The following DOCK4 variants were observed in gnomAD, a reference collection of about 807,000 sequenced individuals.
The protein encoded by DOCK4 is dedicator of cytokinesis protein 4.
A neutral mutation model predicts 268.1 loss-of-function variants in DOCK4; 97 were observed. The observed-to-expected ratio is 0.36, with a 90% CI of 0.31 to 0.43. DOCK4 has a LOEUF of 0.43. Ranked by LOEUF, DOCK4 falls within the 20% of genes least tolerant of loss-of-function variation. DOCK4 has a pLI of 1.00. For missense variants in DOCK4, 2,145 were observed against 2,455.7 expected (o/e 0.87, Z 2.67); for synonymous variants, 954 against 887.2 (o/e 1.08, Z -1.34).
At chr7:112,178,798 G>A (rs938900552) in intron 1 of DOCK4, among the ~76,000 whole-genome samples, 1 of 151,892 alleles carries the variant, frequency 6.6e-6, no homozygotes, top group African/African-American at 2.4e-5. Context: ...CATTCCTCTC[G>A]TTCATCCTCT....
At chr7:111,905,714 C>G (rs976817251) in intron 13 of DOCK4, among the ~76,000 whole-genome samples, 1 of 130,080 alleles carries the variant, frequency 7.7e-6, no homozygotes, top group African/African-American at 3.0e-5. Flanking sequence ...TGTGTGTGCA[C>G]GTGTATTGCG....
At chr7:112,065,089 A>G (rs1806792477) in intron 1 of DOCK4, among the ~76,000 whole-genome samples, 1 of 152,206 alleles carries the variant, frequency 6.6e-6, no homozygotes, top group Non-Finnish European at 1.5e-5. Context: ...CATTCACTGG[A>G]CATGCAATCA....
At chr7:111,838,574 T>C (rs1044982449) in intron 25 of DOCK4, among the ~76,000 whole-genome samples, 4 of 152,214 alleles carry the variant, frequency 2.6e-5, no homozygotes, top group Non-Finnish European at 5.9e-5. Context: ...CAAAAAACTA[T>C]GTAGTATATG....
At chr7:111,976,269 TTATATATATATATATATATATATATA>T (rs60146972) in intron 8 of DOCK4, among the ~76,000 whole-genome samples, 1,802 of 33,138 alleles carry the variant, frequency 0.054, 150 homozygotes, top group African/African-American at 0.18. Context: ...TGTGTGTCTA[TTATATATATATATATATATATATATA>T]TATATATATA....
chr7:112,134,506 T>C (rs1586894452), intron 1 of DOCK4, among the ~76,000 whole-genome samples: 1 of 152,194 alleles, frequency 6.6e-6, no homozygotes, highest in East Asian at 1.9e-4. Context: ...GAACACAAGG[T>C]CAGGAGATCG....
chr7:111,878,482 A>T (rs4368916), intron 16 of DOCK4, among the ~76,000 whole-genome samples: 21,505 of 152,248 alleles, frequency 0.14, 1,769 homozygotes, highest in Non-Finnish European at 0.18. Flanking sequence ...CACTATCACA[A>T]GAACCAAAAA....
At chr7:112,088,524 T>C (rs1377844226) in intron 1 of DOCK4, among the ~76,000 whole-genome samples, 1 of 152,136 alleles carries the variant, frequency 6.6e-6, no homozygotes, top group African/African-American at 2.4e-5. Context: ...AGTCTTCATA[T>C]TCAGTAGTGA....
chr7:111,736,873 C>T, intron 50 of DOCK4, 44 bp downstream of exon 50: 4 of 1,533,508 alleles, frequency 2.6e-6, no homozygotes, highest in African/African-American at 1.4e-5. Flanking sequence ...GAGGATAAAA[C>T]AAGCCCTTAC....
chr7:112,036,599 G>T (rs1489073998), intron 1 of DOCK4, among the ~76,000 whole-genome samples: 6 of 151,642 alleles, frequency 4.0e-5, no homozygotes, highest in Admixed American at 1.3e-4. Context: ...CAGTGTGATG[G>T]GTTCTGACAA....
intron 34 of DOCK4, among the ~76,000 whole-genome samples, chr7:111,783,503 G>A (rs927119528): frequency 6.6e-6 from 1 of 151,756 alleles, no homozygotes; most frequent in African/African-American, 2.4e-5. Context: ...CCATTACATT[G>A]TTTTCACCCT....
At chr7:111,857,343 T>C (rs964270494) in intron 23 of DOCK4, among the ~76,000 whole-genome samples, 22 of 152,276 alleles carry the variant, frequency 1.4e-4, no homozygotes, top group African/African-American at 4.6e-4. Context: ...AAATCCTTAA[T>C]GGGGACTGGG....
chr7:111,888,269 G>C (rs927821487), intron 16 of DOCK4, among the ~76,000 whole-genome samples: 36 of 148,172 alleles, frequency 2.4e-4, no homozygotes, highest in Admixed American at 2.2e-3. Context: ...CTGGGGATAG[G>C]AGAGGGCAAT....
rs559333219 is a variant in DOCK4 at position 112,084,145 on chromosome 7, T to G, written c.38-80014A>C. Among the ~76,000 whole-genome samples the G allele has an allele frequency of 3.3e-5, 5 of 152,290 alleles. No homozygotes were observed. The South Asian group carries it at 8.3e-4, about 25-fold the overall frequency. On this transcript the variant is annotated intron_variant, in intron 1 of 52. Transcript: ENST00000428084. ...AGGCCTGCAGCATGAAGTAGAGTCA[T>G]GCCGTCAGGCCTGGCCCAGAACATG...
chr7:112,008,401 T>G (rs183183534), intron 1 of DOCK4, among the ~76,000 whole-genome samples: 1 of 152,220 alleles, frequency 6.6e-6, no homozygotes, highest in Non-Finnish European at 1.5e-5. Flanking sequence ...CCTAACCAAC[T>G]GCCTGTTATT....
chr7:112,170,147 AG>A (rs1468043428), intron 1 of DOCK4, among the ~76,000 whole-genome samples: 1 of 152,202 alleles, frequency 6.6e-6, no homozygotes, highest in Non-Finnish European at 1.5e-5. Context: ...ATAAAAGGCA[AG>A]AAAAATATTG....
intron 1 of DOCK4, among the ~76,000 whole-genome samples, chr7:112,074,246 A>C (rs1020570097): frequency 6.6e-6 from 1 of 152,216 alleles, no homozygotes; most frequent in Non-Finnish European, 1.5e-5. Context: ...AGGCAGGATT[A>C]ATATTTTTGC....
At chr7:111,811,815 C>T (rs1048990654) in intron 28 of DOCK4, 59 bp downstream of exon 28, 10 of 1,014,508 alleles carry the variant, frequency 9.9e-6, no homozygotes, top group African/African-American at 3.3e-5. Flanking sequence ...AGGTAATTTC[C>T]TATAATACAA....
intron 29 of DOCK4, 34 bp from the exon 30 acceptor site, chr7:111,808,913 T>C (rs1313270975): frequency 1.2e-6 from 2 of 1,602,430 alleles, no homozygotes; most frequent in South Asian, 1.1e-5. Context: ...CCTGATACAA[T>C]GCCTCCAGAA....
intron 1 of DOCK4, among the ~76,000 whole-genome samples, chr7:112,007,998 T>C (rs757493259): frequency 2.0e-5 from 3 of 152,300 alleles, no homozygotes; most frequent in Admixed American, 1.3e-4. Flanking sequence ...CCCCAAATAA[T>C]ATCACGGTTT....
Sources: allele counts gnomAD v4.1 joint callset (sites outside exome capture counted in the v4.1 genomes callset), GRCh38; gene constraint gnomAD v4.1.1; transcripts MANE v1.5; gene names NCBI Gene and HGNC (gene_info 2026-07-23, HGNC 2026-07-21).